SYNE1: variants seen among roughly 807,000 people sequenced by gnomAD.
The protein encoded by SYNE1 is nesprin-1.
Under a neutral mutation model 1,111.0 loss-of-function variants are expected in SYNE1, and 616 were observed. That is an observed-to-expected ratio of 0.55 (90% CI 0.52 to 0.59). SYNE1 has a LOEUF of 0.59. SYNE1 is among the 20% of genes least tolerant of loss of function. The pLI is 0.00. For synonymous variants in SYNE1, 3,855 were observed against 3,825.8 expected, an observed-to-expected ratio of 1.01 and a Z score of -0.28; for missense variants, 10,006 against 10,417.0, an observed-to-expected ratio of 0.96 and a Z score of 1.72.
At chr6:152,564,480 C>A (rs548995469) in intron 3 of SYNE1, among the ~76,000 whole-genome samples, 52 of 152,188 alleles carry the variant, frequency 3.4e-4, no homozygotes, top group African/African-American at 1.3e-3. Context: ...CCACACCTGG[C>A]TAATTTTTGT....
At chr6:152,367,517 T>C in intron 61 of SYNE1, 135 bp from the exon 62 acceptor site, 1 of 961,292 alleles carries the variant, frequency 1.0e-6, no homozygotes, top group Non-Finnish European at 1.7e-6. Context: ...CTGGCCTAAA[T>C]CTATGAGATA....
chr6:152,276,285 T>C (rs2153701914), intron 98 of SYNE1, among the ~76,000 whole-genome samples: 1 of 152,274 alleles, frequency 6.6e-6, no homozygotes, highest in East Asian at 1.9e-4. Flanking sequence ...TCCACCTGCC[T>C]TGGCCTCCCA....
At position 152,255,042 on chromosome 6, in the gene SYNE1, G is replaced by A. The variant is rs1175656900; in HGVS notation, c.19308C>T (p.Asn6436=). Residue 6436 remains asparagine, a synonymous_variant, in exon 104 of 146, where the codon AAC becomes AAT. Transcript: ENST00000367255. ...IKEMSEEMDK[N]KNLFSQAFPE... Reference sequence around the variant, plus strand: ...GAAAAGCTTGGGAAAACAAGTTTTTGTTCTTATCCATTTCTTCAGACATTT... The same window carrying A: ...GAAAAGCTTGGGAAAACAAGTTTTTATTCTTATCCATTTCTTCAGACATTT... The A allele has an allele frequency of 1.9e-6, 3 of 1,611,098 alleles. No homozygotes were observed. Among genetic ancestry groups the A allele is most frequent in the Non-Finnish European group, 2.5e-6 (3 of 1,178,196 alleles).
chr6:152,330,532 G>T lies in SYNE1; in HGVS notation c.14153C>A (p.Ala4718Asp), dbSNP rs2096223076. The stretch of plus-strand genomic sequence containing the variant: ...AAGGCCCGCCACCTCGTCCAGAATG[G>T]CTCTGCAACCATCTTGCAGAGAAAG... ...EALSLQDGCR[A>D]ILDEVAGLGE... is the part of the protein sequence containing the mutation. The change falls in exon 78 of 146, where the codon GCC becomes GAC. Residue 4718 changes from alanine (A) to aspartate (D), a missense_variant. Physicochemically the swap from Ala to Asp is moderately radical, Grantham distance 126 (BLOSUM62 -2). Transcript: ENST00000367255. 1 of 1,614,094 alleles carries T rather than the reference G, an allele frequency of 6.2e-7. No individual in the cohort carries two copies. Among genetic ancestry groups the T allele is most frequent in the Non-Finnish European group, 8.5e-7 (1 of 1,180,034 alleles).
intron 104 of SYNE1, among the ~76,000 whole-genome samples, chr6:152,254,244 CTTTTTTTT>C (rs773598537): frequency 9.6e-5 from 7 of 73,166 alleles, no homozygotes; most frequent in East Asian, 5.0e-4. Context: ...TCTGCATACT[CTTTTTTTT>C]TTTTTTTTTT....
chr6:152,527,373 A>G (rs2099168403), intron 4 of SYNE1, among the ~76,000 whole-genome samples: 1 of 152,226 alleles, frequency 6.6e-6, no homozygotes, highest in Non-Finnish European at 1.5e-5. Context: ...GCTGTGAAAT[A>G]CATGTTCAAA....
intron 5 of SYNE1, among the ~76,000 whole-genome samples, chr6:152,522,878 T>G (rs1356685057): frequency 6.6e-6 from 1 of 152,140 alleles, no homozygotes; most frequent in Non-Finnish European, 1.5e-5. Flanking sequence ...TCATGTCATT[T>G]GCCCACGTTT....
At chr6:152,574,314 T>C (rs139567693) in intron 3 of SYNE1, among the ~76,000 whole-genome samples, 2 of 152,002 alleles carry the variant, frequency 1.3e-5, no homozygotes, top group East Asian at 3.9e-4. Context: ...TTTGTTGTTT[T>C]CGTAGATGAG....
At chr6:152,284,692 G>A (rs1041054280) in intron 95 of SYNE1, among the ~76,000 whole-genome samples, 1 of 146,518 alleles carries the variant, frequency 6.8e-6, no homozygotes, top group Non-Finnish European at 1.5e-5. Context: ...TCAAACTCCT[G>A]GCCTCAGGGA....
chr6:152,537,521 A>G (rs1270348861), intron 4 of SYNE1, among the ~76,000 whole-genome samples: 2 of 152,096 alleles, frequency 1.3e-5, no homozygotes, highest in African/African-American at 4.8e-5. Flanking sequence ...TCTTATTTGC[A>G]TACTATCTCT....
rs773835376 is a variant in SYNE1, at chr6:152,391,591, A to AAAAAAAG, written c.7713-24_7713-23insCTTTTTT. On this transcript the variant is annotated intron_variant, in intron 51 of 145. Coordinates refer to ENST00000367255, the MANE Select transcript of SYNE1 (RefSeq NM_182961.4). ...TCTCTGAAAAAAAGGAAAAAAAAAAAAAAGAAAAAAAATTAATTCTGACAT... is the reference window on the plus strand; with the variant it reads ...TCTCTGAAAAAAAGGAAAAAAAAAAAAAAAAAGAAAGAAAAAAAATTAATTCTGACAT... The AAAAAAAG allele has an allele frequency of 3.9e-4, 609 of 1,556,462 alleles. 3 individuals are homozygous for AAAAAAAG. The African/African-American group carries it at 8.4e-3, about 21-fold the overall frequency.
chr6:152,261,544 C>T (rs2091990844), intron 101 of SYNE1, among the ~76,000 whole-genome samples: 1 of 152,218 alleles, frequency 6.6e-6, no homozygotes, highest in African/African-American at 2.4e-5. Context: ...TGACCACTGG[C>T]TTCACTTCCC....
intron 5 of SYNE1, among the ~76,000 whole-genome samples, chr6:152,524,017 T>C (rs1049334625): frequency 4.6e-5 from 7 of 152,168 alleles, no homozygotes; most frequent in African/African-American, 1.7e-4. Context: ...GACTTACTCT[T>C]TTCCAATTTG....
chr6:152,347,198 A>C lies in SYNE1; in HGVS notation c.11939T>G (p.Leu3980Trp). The change falls in exon 73 of 146, where the codon TTG becomes TGG. Residue 3980 changes from leucine (L) to tryptophan (W), a missense_variant. Around this residue, in one of 7 missense-constraint regions of SYNE1, gnomAD observed 4,955 missense variants for 5,017.2 expected, o/e 0.99. Transcript: ENST00000367255. ...ATCACCTTTCATTTGAAGATTGTTC[A>C]AACGGTCTTCAAAACCAGCAATTTC... ...MEEIAGFEDR[L>W]NNLQMKGDTL... is the part of the protein sequence containing the mutation. 1 of 1,614,234 alleles carries C rather than the reference A, an allele frequency of 6.2e-7. No homozygotes were observed.
intron 92 of SYNE1, 125 bp downstream of exon 92, chr6:152,301,744 G>C (rs1360364711): frequency 5.7e-6 from 6 of 1,045,870 alleles, no homozygotes; most frequent in Non-Finnish European, 8.2e-6. Flanking sequence ...TAAGGAATCT[G>C]TTCCTCCCTC....
chr6:152,254,614 T>C (rs1009203890), intron 104 of SYNE1, among the ~76,000 whole-genome samples: 7 of 152,202 alleles, frequency 4.6e-5, no homozygotes, highest in African/African-American at 1.7e-4. Context: ...ATTATAATTA[T>C]AATGATCCAT....
chr6:152,353,273 T>C lies in SYNE1; in HGVS notation c.11243A>G (p.Lys3748Arg). The change falls in exon 69 of 146, where the codon AAG becomes AGG. Residue 3748 changes from lysine (K) to arginine (R), a missense_variant. This residue lies in a region of SYNE1 where 4,955 missense variants were observed against 5,017.2 expected (regional missense o/e 0.99). Transcript: ENST00000367255. ...AGTATGCGTGCCTACCTCCAACGTC[T>C]TCAATTTCTTCCCCATCATTACTGT... ...VDTVMMGKKL[K>R]TLEVLLKDME... 1 of 1,614,194 alleles carries C rather than the reference T, an allele frequency of 6.2e-7. No homozygotes were observed.
intron 3 of SYNE1, among the ~76,000 whole-genome samples, chr6:152,596,014 G>A (rs1480726903): frequency 2.8e-5 from 4 of 141,920 alleles, no homozygotes; most frequent in African/African-American, 5.2e-5. Flanking sequence ...CTGAGGGCTC[G>A]AACCAAGGGG....
intron 3 of SYNE1, among the ~76,000 whole-genome samples, chr6:152,604,955 A>G (rs888104221): frequency 9.2e-4 from 14 of 15,202 alleles, no homozygotes; most frequent in African/African-American, 3.3e-3. Flanking sequence ...AAAGAAAGAA[A>G]GAAAGAAAGA....
Sources: allele counts gnomAD v4.1 joint callset (sites outside exome capture counted in the v4.1 genomes callset), GRCh38; gene constraint gnomAD v4.1.1; regional missense constraint gnomAD v4.1.1; transcripts MANE v1.5; gene names NCBI Gene and HGNC (gene_info 2026-07-23, HGNC 2026-07-21).